The following DEK variants were observed in gnomAD, a reference collection of about 807,000 sequenced individuals.
DEK encodes the protein DEK proto-oncogene.
Under a neutral mutation model 46.8 loss-of-function variants are expected in DEK, and 28 were observed. The observed-to-expected ratio is 0.60, with a 90% confidence interval of 0.44 to 0.82. The LOEUF (loss-of-function observed/expected upper bound fraction) is 0.82, where lower values mean the gene tolerates loss of function less well. Among genes scored for constraint, DEK ranks in the 40% least tolerant of loss-of-function variants. The pLI, the probability that DEK is intolerant of heterozygous loss-of-function variation, is 0.00. For missense variants in DEK, 416 were observed against 430.6 expected, an observed-to-expected ratio of 0.97 and a Z score of 0.30; for synonymous variants, 160 against 144.5, an observed-to-expected ratio of 1.11 and a Z score of -0.77.
chr6:18,236,442 G>A lies in DEK; in HGVS notation c.1047+10C>T, dbSNP rs752794463. Reference sequence around the variant, plus strand: ...CAAAAGCAAAATAATCTAAACATTTGTCTAATTACCTTTTTGCAAATCTGT... The same window carrying A: ...CAAAAGCAAAATAATCTAAACATTTATCTAATTACCTTTTTGCAAATCTGT... On this transcript the variant is annotated intron_variant, in intron 9 of 10. Transcript: ENST00000652689. 2 of 1,606,774 alleles carry A rather than the reference G, an allele frequency of 1.2e-6. No individual in the cohort carries two copies. Among genetic ancestry groups the A allele is most frequent in the South Asian group, 2.2e-5 (2 of 89,944 alleles).
At chr6:18,253,890 A>T (rs757544775) in intron 6 of DEK, among the ~76,000 whole-genome samples, 9 of 151,944 alleles carry the variant, frequency 5.9e-5, no homozygotes, top group Non-Finnish European at 1.3e-4. Flanking sequence ...TTTCTTCTTG[A>T]GACAGTCTCA....
chr6:18,224,389 T>C lies in DEK; in HGVS notation c.*1330A>G. 5.3e-6 allele frequency: 1 copy of C among 189,440 alleles called. No homozygotes were observed. Among genetic ancestry groups the C allele is most frequent in the Non-Finnish European group, 1.1e-5 (1 of 90,210 alleles). The allele number at this position is 189,440 out of a possible 1,614,324, so 11.7% of individuals were successfully genotyped here. A position where few individuals can be genotyped will look rare whatever the true frequency, so the allele number is the denominator to read the frequency against. On this transcript the variant is annotated 3_prime_UTR_variant, in exon 11 of 11. Transcript: ENST00000652689. The stretch of plus-strand genomic sequence containing the variant: ...ATATTTCTGTTCTATGATGCAAAGA[T>C]ATTTTTCAACACTTAATTGGTGCAA...
At position 18,231,756 on chromosome 6, in the gene DEK, T is replaced by G. The variant is rs553110451; in HGVS notation, c.1047+4696A>C. ...CAACCAAAAAAAGTTCAGGACCAGA[T>G]GGATTCACAGCTGAATTCTACCAGA... On this transcript the variant is annotated intron_variant, in intron 9 of 10. Coordinates refer to ENST00000652689, the MANE Select transcript of DEK (RefSeq NM_003472.4). Among the ~76,000 whole-genome samples the G allele has an allele frequency of 2.0e-5, 3 of 152,302 alleles. No individual in the cohort carries two copies. The South Asian group carries it at 6.2e-4, about 32-fold the overall frequency.
chr6:18,258,976 T>A (rs1308123727), intron 2 of DEK, among the ~76,000 whole-genome samples: 7 of 152,172 alleles, frequency 4.6e-5, no homozygotes, highest in South Asian at 2.1e-4. Context: ...CATTACTTTG[T>A]AGTTTATGAA....
Position 18,224,719 on chromosome 6 carries a change from T to C in DEK, c.*1000A>G, listed in dbSNP as rs965108712. On this transcript the variant is annotated 3_prime_UTR_variant, in exon 11 of 11. Coordinates refer to ENST00000652689, the MANE Select transcript of DEK (RefSeq NM_003472.4). ...GGTACTTTAGTCATAATCGTGAAGC[T>C]GGCTAGGTTTCCAGTAAATATCAGC... 12 of 214,508 alleles carry C rather than the reference T, an allele frequency of 5.6e-5. No individual in the cohort carries two copies. The highest frequency in any genetic ancestry group is 9.4e-5 in the Non-Finnish European group (10 of 106,212). The allele number at this position is 214,508 out of a possible 1,614,324, so 13.3% of individuals were successfully genotyped here.
At chr6:18,234,999 T>G (rs1790585108) in intron 9 of DEK, among the ~76,000 whole-genome samples, 1 of 152,162 alleles carries the variant, frequency 6.6e-6, no homozygotes, top group Non-Finnish European at 1.5e-5. Flanking sequence ...TTTAAAAAAT[T>G]TACATGAAGG....
At chr6:18,240,124 A>G (rs1790838536) in intron 7 of DEK, among the ~76,000 whole-genome samples, 1 of 152,240 alleles carries the variant, frequency 6.6e-6, no homozygotes, top group African/African-American at 2.4e-5. Context: ...GATACACAAC[A>G]TGACATCATT....
At chr6:18,243,916 A>G (rs1379829381) in intron 7 of DEK, among the ~76,000 whole-genome samples, 1 of 152,180 alleles carries the variant, frequency 6.6e-6, no homozygotes, top group Non-Finnish European at 1.5e-5. Context: ...GCAGTGAGCC[A>G]TGATCTCACC....
chr6:18,263,855 C>T lies in DEK; in HGVS notation c.133G>A (p.Glu45Lys), dbSNP rs1791982699. 6.2e-7 allele frequency: 1 copy of T among 1,612,726 alleles called. No individual in the cohort carries two copies. The highest frequency in any genetic ancestry group is 1.3e-5 in the African/African-American group (1 of 74,982). The change falls in exon 2 of 11, where the codon GAG becomes AAG. Residue 45 changes from glutamate to lysine, a missense_variant. Coordinates refer to ENST00000652689, the MANE Select transcript of DEK (RefSeq NM_003472.4). ...CGACTCCCCCCACCTTTTTCCTCCT[C>T]CTCCTCCTCCTCGTCGTCCTCGTCC... ...EEDEDDEEEE[E>K]EEKEKSLIVE...
chr6:18,254,749 T>TACAA (rs1185437577), intron 6 of DEK, among the ~76,000 whole-genome samples: 1 of 152,164 alleles, frequency 6.6e-6, no homozygotes, highest in African/African-American at 2.4e-5. Context: ...CCTTAAAAAG[T>TACAA]ACAAGTATAG....
intron 7 of DEK, among the ~76,000 whole-genome samples, chr6:18,238,453 C>T (rs1790761106): frequency 6.6e-6 from 1 of 151,762 alleles, no homozygotes; most frequent in Admixed American, 6.6e-5. Context: ...AATTCCAGCA[C>T]TTTGGGAGGT....
Position 18,225,387 on chromosome 6 carries a change from C to CT in DEK, c.*331dup, listed in dbSNP as rs1790067389. 1 of 288,262 alleles carries CT rather than the reference C, an allele frequency of 3.5e-6. No individual in the cohort carries two copies. Among genetic ancestry groups the CT allele is most frequent in the African/African-American group, 2.1e-5 (1 of 46,584 alleles). The allele number at this position is 288,262 out of a possible 1,614,324, so 17.9% of individuals were successfully genotyped here. ...TTGTTCTACTTGATTAAAAGTATGCCTTAAGCAAGCTAATATTAAGTGCAC... is the reference window on the plus strand; with the variant it reads ...TTGTTCTACTTGATTAAAAGTATGCCTTTAAGCAAGCTAATATTAAGTGCAC... On this transcript the variant is annotated 3_prime_UTR_variant, in exon 11 of 11. Coordinates refer to ENST00000652689, the MANE Select transcript of DEK (RefSeq NM_003472.4).
chr6:18,257,840 G>C, intron 4 of DEK, 113 bp downstream of exon 4: 1 of 641,332 alleles, frequency 1.6e-6, no homozygotes. Flanking sequence ...ATATACCTCA[G>C]TCTGCTCAGT....
chr6:18,238,061 G>A lies in DEK; in HGVS notation c.763-545C>T, dbSNP rs1026997701. ...TTTTTGTATTTTTAGTAGAGATGAG[G>A]TTTTGCCATGTTGGCCAGGCTGGTC... On this transcript the variant is annotated intron_variant, in intron 7 of 10. Coordinates refer to ENST00000652689, the MANE Select transcript of DEK (RefSeq NM_003472.4). Among the ~76,000 whole-genome samples, 4 of 151,634 alleles carry A rather than the reference G, an allele frequency of 2.6e-5. No homozygotes were observed. In the South Asian group the frequency reaches 6.3e-4, roughly 24 times the overall value.
chr6:18,249,225 G>A (rs1048609815), intron 7 of DEK, among the ~76,000 whole-genome samples: 1 of 152,142 alleles, frequency 6.6e-6, no homozygotes, highest in Admixed American at 6.5e-5. Flanking sequence ...CCTAAAGGTT[G>A]AGGGGGGGAA....
chr6:18,241,283 A>C (rs1582270367), intron 7 of DEK, among the ~76,000 whole-genome samples: 1 of 152,234 alleles, frequency 6.6e-6, no homozygotes, highest in Admixed American at 6.5e-5. Context: ...GGGTAACCAG[A>C]ATTTGGAGGT....
chr6:18,249,888 T>C (rs1032191236), intron 6 of DEK, 49 bp from the exon 7 acceptor site: 2 of 1,509,572 alleles, frequency 1.3e-6, no homozygotes, highest in African/African-American at 1.4e-5. Context: ...AATATTTCAA[T>C]CAATTCTCTT....
chr6:18,253,147 T>C (rs1225280621), intron 6 of DEK, among the ~76,000 whole-genome samples: 1 of 151,682 alleles, frequency 6.6e-6, no homozygotes, highest in African/African-American at 2.4e-5. Flanking sequence ...TCGCCCAGGC[T>C]GGAGTGCAGC....
At chr6:18,226,699 G>T (rs952674287) in intron 9 of DEK, among the ~76,000 whole-genome samples, 2 of 152,174 alleles carry the variant, frequency 1.3e-5, no homozygotes, top group African/African-American at 4.8e-5. Context: ...AGGATGGCTT[G>T]GGCCCAGGAG....
Sources: allele counts gnomAD v4.1 joint callset (sites outside exome capture counted in the v4.1 genomes callset), GRCh38; gene constraint gnomAD v4.1.1; transcripts MANE v1.5; gene names NCBI Gene and HGNC (gene_info 2026-07-23, HGNC 2026-07-21).